Variants in INTS3 observed in about 807,000 individuals in gnomAD.
INTS3 encodes integrator complex subunit 3.
A neutral mutation model predicts 146.3 loss-of-function variants in INTS3; 34 were observed. The observed-to-expected ratio is 0.23, with a 90% CI of 0.18 to 0.31. The LOEUF (loss-of-function observed/expected upper bound fraction) is 0.31. Ranked by LOEUF, INTS3 falls within the 10% of genes least tolerant of loss-of-function variation. The pLI is 1.00. For synonymous variants in INTS3, 475 were observed against 494.9 expected, an observed-to-expected ratio of 0.96 and a Z score of 0.53; for missense variants, 757 against 1,304.2, an observed-to-expected ratio of 0.58 and a Z score of 6.46.
chr1:153,752,079 T>C, intron 7 of INTS3, 200 bp from the exon 8 acceptor site: 1 of 604,730 alleles, frequency 1.7e-6, no homozygotes, highest in Non-Finnish European at 2.9e-6. Flanking sequence ...CCTCTCATCC[T>C]TGATATCAGT....
intron 14 of INTS3, 28 bp downstream of exon 14, chr1:153,761,704 G>A (rs557326465): frequency 6.5e-7 from 1 of 1,528,346 alleles, no homozygotes; most frequent in Non-Finnish European, 9.1e-7. Context: ...TCCATCACCT[G>A]TGTCAAAAGA....
At chr1:153,760,771 C>T (rs1286479963) in intron 12 of INTS3, 56 bp from the exon 13 acceptor site, 17 of 1,357,164 alleles carry the variant, frequency 1.3e-5, no homozygotes, top group South Asian at 2.3e-5. Context: ...TCTAATTCAG[C>T]GGAAGCCTCT....
At chr1:153,769,686 A>C in intron 22 of INTS3, 83 bp from the exon 23 acceptor site, 1 of 859,886 alleles carries the variant, frequency 1.2e-6, no homozygotes, top group Non-Finnish European at 1.9e-6. Context: ...TTCCCTTACG[A>C]GCCCTCCTGC....
rs1177635365 is a variant in INTS3 at position 153,764,344 on chromosome 1, A to G, written c.1925+123A>G. ...CTGTTCACTTGGTGTTTTTATTCTCACATGTACCAACTCATTTAAACAAGA... is the reference window on the plus strand; with the variant it reads ...CTGTTCACTTGGTGTTTTTATTCTCGCATGTACCAACTCATTTAAACAAGA... On this transcript the variant is annotated intron_variant, in intron 18 of 29. Coordinates refer to ENST00000318967, the MANE Select transcript of INTS3 (RefSeq NM_023015.5). 8 of 687,236 alleles carry G rather than the reference A, an allele frequency of 1.2e-5. No individual in the cohort carries two copies. In the Admixed American group the frequency reaches 1.7e-4, roughly 14 times the overall value. 42.6% of individuals were successfully genotyped at this position (687,236 alleles called of 1,614,324 possible). A position where few individuals can be genotyped will look rare whatever the true frequency, so the allele number is the denominator to read the frequency against.
chr1:153,773,238 G>C lies in INTS3; in HGVS notation c.3097G>C (p.Gly1033Arg). 6.2e-7 allele frequency: 1 copy of C among 1,614,102 alleles called. No homozygotes were observed. Among genetic ancestry groups the C allele is most frequent in the Non-Finnish European group, 8.5e-7 (1 of 1,180,024 alleles). ...GAAGCCTACCAAGCGGAAACGAAAA[G>C]GGTCCTCTGCAGTGGGCTCTGACAG... ...KPKPTKRKRKGSSAVGSDSD is the reference protein window; with the variant it reads ...KPKPTKRKRKRSSAVGSDSD Residue 1033 changes from glycine to arginine, a missense_variant, in exon 30 of 30, where the codon GGG (glycine) becomes CGG (arginine). This residue lies in a region of INTS3 where 125 missense variants were observed against 165.6 expected (regional missense o/e 0.75). Coordinates refer to ENST00000318967, the MANE Select transcript of INTS3 (RefSeq NM_023015.5).
intron 1 of INTS3, among the ~76,000 whole-genome samples, chr1:153,737,794 C>T (rs1037651240): frequency 1.3e-5 from 2 of 152,110 alleles, no homozygotes; most frequent in African/African-American, 4.8e-5. Flanking sequence ...CCACTGTGCC[C>T]GACCCCTGGT....
chr1:153,751,272 G>A, intron 7 of INTS3, 33 bp downstream of exon 7: 3 of 1,609,882 alleles, frequency 1.9e-6, no homozygotes, highest in Non-Finnish European at 2.5e-6. Context: ...ATGTGGGGAA[G>A]TGAGACTCAG....
At position 153,772,863 on chromosome 1, in the gene INTS3, G is replaced by A; in HGVS notation, c.2895-62G>A. ...GCCTAGGCCTGGGGGCAGAGAAGAGGATGGGAGGTGCCGTAGGAGCAGCAG... is the reference window on the plus strand; with the variant it reads ...GCCTAGGCCTGGGGGCAGAGAAGAGAATGGGAGGTGCCGTAGGAGCAGCAG... On this transcript the variant is annotated intron_variant, in intron 28 of 29. Coordinates refer to ENST00000318967, the MANE Select transcript of INTS3 (RefSeq NM_023015.5). The surrounding 1 kb of genome is among the most constrained non-coding windows in gnomAD (Gnocchi z 4.6). 1.9e-6 allele frequency: 3 copies of A among 1,605,620 alleles called. No individual in the cohort carries two copies. The Admixed American group carries it at 5.0e-5, about 27-fold the overall frequency.
At chr1:153,766,825 A>C (rs1672606597) in intron 20 of INTS3, 1 of 151,566 alleles carries the variant, frequency 6.6e-6, no homozygotes, top group Non-Finnish European at 1.5e-5. Flanking sequence ...GAGTAGCTGA[A>C]ATTACAGGCG....
intron 3 of INTS3, among the ~76,000 whole-genome samples, chr1:153,745,736 G>A (rs1671708092): frequency 6.6e-6 from 1 of 151,904 alleles, no homozygotes; most frequent in Admixed American, 6.6e-5. Context: ...ACCTCCCCCA[G>A]GATTTGGTAT....
chr1:153,763,157 G>A, intron 15 of INTS3, 76 bp from the exon 16 acceptor site: 1 of 1,581,814 alleles, frequency 6.3e-7, no homozygotes, highest in Admixed American at 1.7e-5. Context: ...TGAGGAAGGG[G>A]ATAAGTCATT....
At position 153,772,514 on chromosome 1, in the gene INTS3, G is replaced by T; in HGVS notation, c.2821+74G>T. On this transcript the variant is annotated intron_variant, in intron 27 of 29. Coordinates refer to ENST00000318967, the MANE Select transcript of INTS3 (RefSeq NM_023015.5). This position sits in a 1 kb window ranked among gnomAD's most constrained non-coding sequence, Gnocchi z 4.6. The stretch of plus-strand genomic sequence containing the variant: ...CAGACTATGCCTGGAGCCAGGCTGG[G>T]GGCAGGGGCAGGACACCCGGGGCCA... 6.2e-7 allele frequency: 1 copy of T among 1,612,870 alleles called. No homozygotes were observed. Among genetic ancestry groups the T allele is most frequent in the Non-Finnish European group, 8.5e-7 (1 of 1,179,354 alleles).
intron 10 of INTS3, 147 bp from the exon 11 acceptor site, chr1:153,759,378 AG>A: frequency 1.4e-6 from 1 of 697,202 alleles, no homozygotes; most frequent in South Asian, 1.6e-5. Flanking sequence ...ACACAACACA[AG>A]GGGGGTTAGC....
In INTS3 at chr1:153,728,097, G is replaced by A. The variant is rs1038932881; in HGVS notation, c.-538G>A. The A allele has an allele frequency of 7.7e-6, 3 of 388,082 alleles. No homozygotes were observed. The highest frequency in any genetic ancestry group is 1.3e-5 in the Non-Finnish European group (3 of 224,500). 24.0% of individuals were successfully genotyped at this position (388,082 alleles called of 1,614,324 possible). A position where few individuals can be genotyped will look rare whatever the true frequency, so the allele number is the denominator to read the frequency against. Reference sequence around the variant, plus strand: ...CACTATGGCCGCTTCTGTGTGGTGTGGGGAGACGCTGGTCCTCCCCGTCCT... The same window carrying A: ...CACTATGGCCGCTTCTGTGTGGTGTAGGGAGACGCTGGTCCTCCCCGTCCT... On this transcript the variant is annotated 5_prime_UTR_variant, in exon 1 of 30. Coordinates refer to ENST00000318967, the MANE Select transcript of INTS3 (RefSeq NM_023015.5).
At chr1:153,758,554 T>C (rs1220365445) in intron 10 of INTS3, among the ~76,000 whole-genome samples, 11 of 152,026 alleles carry the variant, frequency 7.2e-5, no homozygotes, top group African/African-American at 2.7e-4. Flanking sequence ...ACGCCTGTAA[T>C]CCCAGCACTT....
chr1:153,747,761 C>G (rs901416890), intron 5 of INTS3: 1 of 236,286 alleles, frequency 4.2e-6, no homozygotes, highest in Admixed American at 5.0e-5. Context: ...CCCCCATTAT[C>G]TGAACGCTTG....
At chr1:153,732,371 T>C (rs1671101207) in intron 1 of INTS3, among the ~76,000 whole-genome samples, 1 of 152,192 alleles carries the variant, frequency 6.6e-6, no homozygotes, top group Non-Finnish European at 1.5e-5. Flanking sequence ...TAATTTCATA[T>C]ACCAGTGACT....
chr1:153,732,307 G>A (rs972323461), intron 1 of INTS3, among the ~76,000 whole-genome samples: 1 of 152,178 alleles, frequency 6.6e-6, no homozygotes, highest in Non-Finnish European at 1.5e-5. Context: ...TATGTGAGGA[G>A]TCTCCAGGGA....
intron 25 of INTS3, 46 bp downstream of exon 25, chr1:153,770,779 C>A: frequency 6.8e-7 from 1 of 1,469,770 alleles, no homozygotes; most frequent in East Asian, 2.3e-5. Flanking sequence ...TTTAACATCC[C>A]AAGAGCTGCT....
Sources: allele counts gnomAD v4.1 joint callset (sites outside exome capture counted in the v4.1 genomes callset), GRCh38; gene constraint gnomAD v4.1.1; regional missense constraint gnomAD v4.1.1; non-coding constraint Gnocchi (gnomAD v3.1); transcripts MANE v1.5; gene names NCBI Gene and HGNC (gene_info 2026-07-23, HGNC 2026-07-21).